PCDH7: variants seen among roughly 807,000 people sequenced by gnomAD.
PCDH7 encodes protocadherin 7.
PCDH7 carries 17 observed loss-of-function variants against 58.9 expected under a neutral mutation model. That is an observed-to-expected ratio of 0.29 (90% CI 0.20 to 0.43). PCDH7 has a LOEUF of 0.43. PCDH7 is among the 20% of genes least tolerant of loss of function. The pLI is 1.00. For missense variants in PCDH7, 1,274 were observed against 1,441.0 expected (o/e 0.88, Z 1.88); for synonymous variants, 664 against 616.4 (o/e 1.08, Z -1.14).
intron 3 of PCDH7, among the ~76,000 whole-genome samples, chr4:31,095,821 T>C (rs55702485): frequency 6.6e-6 from 1 of 152,226 alleles, no homozygotes; most frequent in South Asian, 2.1e-4. Context: ...ATAGTGTTTC[T>C]TCTCATAATT....
chr4:30,727,527 T>C (rs1362278572), intron 1 of PCDH7, among the ~76,000 whole-genome samples: 1 of 151,984 alleles, frequency 6.6e-6, no homozygotes, highest in Non-Finnish European at 1.5e-5. Flanking sequence ...CAAATTTTCA[T>C]AGTTCATACC....
intron 1 of PCDH7, among the ~76,000 whole-genome samples, chr4:30,880,857 G>C (rs1736872309): frequency 6.6e-6 from 1 of 152,138 alleles, no homozygotes; most frequent in East Asian, 1.9e-4. Context: ...TGAAAGCCAA[G>C]AGGCAGAGTC....
chr4:30,736,048 G>A (rs564116911), downstream of PCDH7, among the ~76,000 whole-genome samples: 2 of 152,276 alleles, frequency 1.3e-5, no homozygotes, highest in South Asian at 2.1e-4. Flanking sequence ...GAAAAACTGC[G>A]TGGCACCATA....
chr4:30,878,340 A>G lies in PCDH7; in HGVS notation c.71-41813A>G, dbSNP rs187862389. 3.3e-5 allele frequency among the ~76,000 whole-genome samples: 5 copies of G among 152,240 alleles called. No individual in the cohort carries two copies. In the East Asian group the frequency reaches 7.8e-4, roughly 24 times the overall value. On this transcript the variant is annotated intron_variant, in intron 1 of 3. Transcript: ENST00000509759. ...CACACATTACTTCTGTGCACATGCT[A>G]TTGCCCAGAAATTATAATCAAATGG...
rs1733869027 is a variant in PCDH7, at chr4:30,859,183, T to C, written c.71-60970T>C. Among the ~76,000 whole-genome samples, 4 of 152,198 alleles carry C rather than the reference T, an allele frequency of 2.6e-5. No individual in the cohort carries two copies. The South Asian group carries it at 8.3e-4, about 32-fold the overall frequency. On this transcript the variant is annotated intron_variant, in intron 1 of 3. Coordinates refer to the PCDH7 transcript ENST00000509759. Reference sequence around the variant, plus strand: ...ACTCATTTTTAGGACAAAGTGCCTATCTAAAACTGTGGTTTTCATCCTGGG... The same window carrying C: ...ACTCATTTTTAGGACAAAGTGCCTACCTAAAACTGTGGTTTTCATCCTGGG...
intron 1 of PCDH7, among the ~76,000 whole-genome samples, chr4:30,847,139 TA>T (rs569982144): frequency 6.8e-5 from 10 of 147,858 alleles, no homozygotes; most frequent in African/African-American, 1.5e-4. Flanking sequence ...AATAAATAAG[TA>T]AAAAAAAAAG....
At chr4:31,097,593 T>TATAC (rs1714220927) in intron 3 of PCDH7, among the ~76,000 whole-genome samples, 1 of 18,660 alleles carries the variant, frequency 5.4e-5, no homozygotes, top group Non-Finnish European at 8.2e-5. Flanking sequence ...TATACATATA[T>TATAC]ATATATATAT....
intron 2 of PCDH7, among the ~76,000 whole-genome samples, chr4:30,931,870 T>A (rs1744649237): frequency 6.6e-6 from 1 of 151,144 alleles, no homozygotes; most frequent in South Asian, 2.1e-4. Flanking sequence ...ACCATGAGTG[T>A]GACATTTCTG....
intron 1 of PCDH7, among the ~76,000 whole-genome samples, chr4:30,864,408 T>C (rs763183940): frequency 6.8e-6 from 1 of 147,514 alleles, no homozygotes; most frequent in Non-Finnish European, 1.5e-5. Context: ...TCAATTTTTA[T>C]CTTAGAAAGA....
chr4:31,142,608 C>T, exon 4 of PCDH7: 1 of 1,367,826 alleles, frequency 7.3e-7, no homozygotes, highest in South Asian at 1.1e-5. Flanking sequence ...AAACTGTCCA[C>T]TTTCATGCCT....
At position 30,810,993 on chromosome 4, in the gene PCDH7, C is replaced by T. The variant is rs111406260; in HGVS notation, c.70+86397C>T. Among the ~76,000 whole-genome samples, 37 of 152,262 alleles carry T rather than the reference C, an allele frequency of 2.4e-4. No homozygotes were observed. In the South Asian group the frequency reaches 6.8e-3, roughly 28 times the overall value. ...TATACTTAAACCTTAACAGTTACAG[C>T]GGAGGTGCTATGGCAACATAAGGCC... On this transcript the variant is annotated intron_variant, in intron 1 of 3. Transcript: ENST00000509759.
At chr4:30,786,531 G>A (rs1297486988) in intron 1 of PCDH7, among the ~76,000 whole-genome samples, 2 of 151,590 alleles carry the variant, frequency 1.3e-5, no homozygotes, top group African/African-American at 4.8e-5. Flanking sequence ...TGATTTAGAT[G>A]CCTCAGGGTT....
chr4:30,964,523 G>A (rs1748808685), intron 3 of PCDH7, among the ~76,000 whole-genome samples: 1 of 152,006 alleles, frequency 6.6e-6, no homozygotes, highest in African/African-American at 2.4e-5. Flanking sequence ...TTACAGGCGT[G>A]AGCCACCGCA....
chr4:30,938,474 A>G (rs1560517866), intron 2 of PCDH7, among the ~76,000 whole-genome samples: 1 of 123,804 alleles, frequency 8.1e-6, no homozygotes, highest in Non-Finnish European at 1.7e-5. Flanking sequence ...CTCACTGGGG[A>G]AAAACATACA....
chr4:30,832,787 TCCAGGC>T, intron 1 of PCDH7, among the ~76,000 whole-genome samples: 1 of 152,174 alleles, frequency 6.6e-6, no homozygotes, highest in Non-Finnish European at 1.5e-5. Flanking sequence ...GTTCCTCTCC[TCCAGGC>T]AGTCCCTGTC....
At chr4:31,061,849 T>C (rs1321512899) in intron 3 of PCDH7, among the ~76,000 whole-genome samples, 1 of 151,762 alleles carries the variant, frequency 6.6e-6, no homozygotes, top group Non-Finnish European at 1.5e-5. Context: ...GATTGACCAA[T>C]TGAGTCAACA....
At chr4:30,868,198 G>A (rs995479049) in intron 1 of PCDH7, among the ~76,000 whole-genome samples, 14 of 151,896 alleles carry the variant, frequency 9.2e-5, no homozygotes, top group East Asian at 5.8e-4. Flanking sequence ...CCTTTCTGGC[G>A]AAATTCCTAT....
exon 4 of PCDH7, chr4:31,142,733 G>A (rs781724987): frequency 9.5e-6 from 13 of 1,367,518 alleles, no homozygotes; most frequent in Non-Finnish European, 1.2e-5. Context: ...GACCTTCAGT[G>A]CAGCTAGTTT....
chr4:31,033,730 C>A (rs2109191382), intron 3 of PCDH7, among the ~76,000 whole-genome samples: 1 of 152,278 alleles, frequency 6.6e-6, no homozygotes, highest in African/African-American at 2.4e-5. Flanking sequence ...TCCTAAATTT[C>A]TCACCTCCAC....
Sources: gnomAD v4.1 joint callset for allele counts (sites outside exome capture counted in the v4.1 genomes callset) on GRCh38, gnomAD v4.1.1 for gene constraint, MANE v1.5 for transcripts, NCBI Gene and HGNC (gene_info 2026-07-23, HGNC 2026-07-21) for gene names.